The following PLA2G4E variants were observed in gnomAD, a reference collection of about 807,000 sequenced individuals.
PLA2G4E encodes the protein phospholipase A2 group IVE.
Under a neutral mutation model 109.1 loss-of-function variants are expected in PLA2G4E, and 84 were observed. The ratio of observed to expected loss-of-function variants is 0.77; its 90% CI spans 0.65 to 0.92. The LOEUF is 0.92. Ranked by LOEUF, PLA2G4E falls within the 40% of genes least tolerant of loss-of-function variation. The pLI, the probability that PLA2G4E is intolerant of heterozygous loss-of-function variation, is 0.00. For missense variants in PLA2G4E, 1,057 were observed against 1,076.6 expected, an observed-to-expected ratio of 0.98 and a Z score of 0.25; for synonymous variants, 469 against 436.1, an observed-to-expected ratio of 1.08 and a Z score of -0.94.
chr15:42,006,195 C>T, intron 3 of PLA2G4E, 74 bp from the exon 4 acceptor site: 1 of 1,579,338 alleles, frequency 6.3e-7, no homozygotes, highest in Non-Finnish European at 8.6e-7. Flanking sequence ...GGGGCTTGAC[C>T]TCTGTCCTAG....
In PLA2G4E at chr15:42,001,178, TCCTGGATTGTGCATGAA is replaced by T. The variant is rs1345187491; in HGVS notation, c.635_651del (p.Val212GlufsTer20). 2.5e-6 allele frequency: 4 copies of T among 1,613,704 alleles called. No individual in the cohort carries two copies. Among genetic ancestry groups the T allele is most frequent in the African/African-American group, 1.3e-5 (1 of 75,006 alleles). On this transcript the variant is annotated frameshift_variant, in exon 7 of 20. Transcript: ENST00000399518. LOFTEE classifies it high-confidence loss of function. ...TCACTTTTCTCCCTCTTCCTCCGCC[TCCTGGATTGTGCATGAA>T]CCTCCAGGCAGGAGACTTGTCGAGA...
intron 18 of PLA2G4E, among the ~76,000 whole-genome samples, chr15:41,985,598 C>A (rs370200996): frequency 3.3e-5 from 5 of 152,370 alleles, no homozygotes; most frequent in African/African-American, 1.2e-4. Context: ...TGCTCCAAGG[C>A]AAGAGTAAAA....
chr15:42,047,489 A>T (rs1889435444), intron 1 of PLA2G4E, among the ~76,000 whole-genome samples: 1 of 152,224 alleles, frequency 6.6e-6, no homozygotes, highest in Non-Finnish European at 1.5e-5. Context: ...TGAGGGCAGC[A>T]GCCTCATGAC....
chr15:42,050,352 G>C (rs1889485855), intron 1 of PLA2G4E, among the ~76,000 whole-genome samples: 1 of 152,218 alleles, frequency 6.6e-6, no homozygotes, highest in Non-Finnish European at 1.5e-5. Flanking sequence ...AGGGAGGTAA[G>C]GACAGATAGG....
chr15:42,013,895 T>G (rs1309265025), intron 1 of PLA2G4E, 138 bp from the exon 2 acceptor site: 1 of 614,148 alleles, frequency 1.6e-6, no homozygotes, highest in Admixed American at 3.4e-5. Context: ...TTTTTTTTTT[T>G]TTTTTTTTTT....
chr15:42,006,999 G>T (rs1373014847), intron 3 of PLA2G4E, among the ~76,000 whole-genome samples: 1 of 151,958 alleles, frequency 6.6e-6, no homozygotes, highest in Non-Finnish European at 1.5e-5. Flanking sequence ...TGATAGAAAA[G>T]GTATTTTAAA....
At chr15:42,005,882 C>G (rs1031561749) in intron 4 of PLA2G4E, 108 bp downstream of exon 4, 3 of 1,343,688 alleles carry the variant, frequency 2.2e-6, no homozygotes, top group Non-Finnish European at 2.0e-6. Flanking sequence ...CTTTTCTCAA[C>G]TTGACTGTGT....
chr15:42,014,954 T>C (rs531229370), intron 1 of PLA2G4E, among the ~76,000 whole-genome samples: 134 of 152,250 alleles, frequency 8.8e-4, no homozygotes, highest in African/African-American at 3.1e-3. Flanking sequence ...TCCTAACAAC[T>C]GGGGTGTGGG....
intron 4 of PLA2G4E, among the ~76,000 whole-genome samples, chr15:42,005,704 A>T (rs117073510): frequency 3.3e-5 from 5 of 152,354 alleles, no homozygotes; most frequent in Non-Finnish European, 7.3e-5. Context: ...TGTTCTGTGA[A>T]CACTGCTAGT....
At chr15:42,049,994 C>A (rs1253385154) in intron 1 of PLA2G4E, among the ~76,000 whole-genome samples, 1 of 152,190 alleles carries the variant, frequency 6.6e-6, no homozygotes, top group Non-Finnish European at 1.5e-5. Flanking sequence ...GCGAGGTAAG[C>A]CAGATCTATG....
chr15:42,028,758 T>C (rs966952174), intron 1 of PLA2G4E, among the ~76,000 whole-genome samples: 1 of 152,136 alleles, frequency 6.6e-6, no homozygotes, highest in African/African-American at 2.4e-5. Flanking sequence ...TCTTGATAAA[T>C]AAAATCCAAT....
intron 6 of PLA2G4E, among the ~76,000 whole-genome samples, chr15:42,002,089 C>T (rs144140758): frequency 0.021 from 3,238 of 151,982 alleles, 112 homozygotes; most frequent in African/African-American, 0.071. Flanking sequence ...GCTGGCAGAT[C>T]GCTTGAGCTC....
chr15:42,002,828 C>T, intron 5 of PLA2G4E, 132 bp from the exon 6 acceptor site: 2 of 867,226 alleles, frequency 2.3e-6, no homozygotes, highest in East Asian at 2.7e-5. Context: ...AAAATACTAG[C>T]TTCGGAAACC....
intron 12 of PLA2G4E, 78 bp from the exon 13 acceptor site, chr15:41,993,037 G>A: frequency 7.5e-7 from 1 of 1,332,806 alleles, no homozygotes; most frequent in Non-Finnish European, 1.0e-6. Context: ...AGGAGGGAAG[G>A]TGGGCAGGCC....
intron 1 of PLA2G4E, among the ~76,000 whole-genome samples, chr15:42,017,270 G>A (rs777763736): frequency 9.2e-5 from 14 of 152,196 alleles, no homozygotes; most frequent in Non-Finnish European, 1.6e-4. Flanking sequence ...CAGGGAAGGC[G>A]CAGCCACACT....
chr15:42,021,585 G>A (rs931186650), intron 1 of PLA2G4E, among the ~76,000 whole-genome samples: 10 of 152,052 alleles, frequency 6.6e-5, no homozygotes, highest in East Asian at 1.9e-4. Flanking sequence ...CCAATACTTC[G>A]TGAGAAAGGG....
intron 1 of PLA2G4E, among the ~76,000 whole-genome samples, chr15:42,049,871 A>T (rs1422597815): frequency 6.6e-6 from 1 of 152,200 alleles, no homozygotes; most frequent in African/African-American, 2.4e-5. Context: ...CAGAGGAGAA[A>T]CTGCACGAGG....
exon 20 of PLA2G4E, chr15:41,983,492 G>A: frequency 2.1e-6 from 1 of 468,392 alleles, no homozygotes; most frequent in East Asian, 3.6e-5. Context: ...GTGGGAGCCT[G>A]TGGCTATGAG....
intron 12 of PLA2G4E, among the ~76,000 whole-genome samples, chr15:41,994,197 T>G (rs1205574697): frequency 6.6e-6 from 1 of 152,220 alleles, no homozygotes; most frequent in Non-Finnish European, 1.5e-5. Flanking sequence ...CTCTCATAGT[T>G]TTTTGTGAGG....
Sources: allele counts gnomAD v4.1 joint callset (sites outside exome capture counted in the v4.1 genomes callset), GRCh38; gene constraint gnomAD v4.1.1; transcripts MANE v1.5; gene names NCBI Gene and HGNC (gene_info 2026-07-23, HGNC 2026-07-21).